The following POMT1 variants were observed in gnomAD, a reference collection of about 807,000 sequenced individuals.
The protein encoded by POMT1 is protein O-mannosyl-transferase 1.
POMT1 carries 85 observed loss-of-function variants against 101.6 expected under a neutral mutation model. The observed-to-expected ratio is 0.84, with a 90% CI of 0.70 to 1.00. The LOEUF (loss-of-function observed/expected upper bound fraction) is 1.00, where lower values mean the gene tolerates loss of function less well. POMT1 is among the 50% of genes least tolerant of loss of function. The pLI, the probability that POMT1 is intolerant of heterozygous loss-of-function variation, is 0.00. For synonymous variants in POMT1, 371 were observed against 383.0 expected, an observed-to-expected ratio of 0.97 and a Z score of 0.37; for missense variants, 857 against 930.4, an observed-to-expected ratio of 0.92 and a Z score of 1.03.
chr9:131,509,602 G>A (rs1012211373), intron 6 of POMT1, 141 bp from the exon 7 acceptor site: 1 of 1,518,164 alleles, frequency 6.6e-7, no homozygotes, highest in African/African-American at 1.4e-5. Context: ...TTTGGGAGAT[G>A]GGAATTCTTT....
Position 131,504,249 on chromosome 9 carries a change from G to A in POMT1, c.31G>A (p.Val11Met). 1.2e-6 allele frequency: 2 copies of A among 1,614,180 alleles called. No individual in the cohort carries two copies. Among genetic ancestry groups the A allele is most frequent in the African/African-American group, 1.3e-5 (1 of 75,046 alleles). The change falls in exon 2 of 20, where the codon GTG becomes ATG. Residue 11 changes from valine to methionine, a missense_variant. Physicochemically the swap from Val to Met is conservative, Grantham distance 21. Transcript: ENST00000402686. The part of the protein sequence containing the change: MWGFLKRPVV[V>M]TADINLSLVA... The stretch of plus-strand genomic sequence containing the variant: ...GGGATTTTTGAAGCGCCCTGTAGTG[G>A]TGACGGCTGACATCAACTTGAGCCT...
chr9:131,503,761 G>A lies in POMT1; in HGVS notation c.-30-428G>A, dbSNP rs1945105254. 6.6e-6 allele frequency among the ~76,000 whole-genome samples: 1 copy of A among 152,174 alleles called. No homozygotes were observed. Among genetic ancestry groups the A allele is most frequent in the Non-Finnish European group, 1.5e-5 (1 of 68,024 alleles). ...ATGCATCCTTGAGGAGAGATGAGGAGGCCCCGAGGCTCGGCCAGGTTGGGG... is the reference window on the plus strand; with the variant it reads ...ATGCATCCTTGAGGAGAGATGAGGAAGCCCCGAGGCTCGGCCAGGTTGGGG... On this transcript the variant is annotated intron_variant, in intron 1 of 19. Coordinates refer to ENST00000402686, the MANE Select transcript of POMT1 (RefSeq NM_001077365.2). The surrounding 1 kb of genome is among the most constrained non-coding windows in gnomAD (Gnocchi z 4.4).
chr9:131,519,511 G>A lies in POMT1; in HGVS notation c.1584+25G>A. On this transcript the variant is annotated intron_variant, in intron 16 of 19. Coordinates refer to ENST00000402686, the MANE Select transcript of POMT1 (RefSeq NM_001077365.2). The surrounding 1 kb of genome is among the most constrained non-coding windows in gnomAD (Gnocchi z 4.3). ...GGTGAGGAGCGGCCAGGGGAAGCTG[G>A]CCTAGCTCGCTGAGCATTGACTCCT... The A allele has an allele frequency of 6.5e-7, 1 of 1,546,430 alleles. No individual in the cohort carries two copies. Among genetic ancestry groups the A allele is most frequent in the Non-Finnish European group, 8.7e-7 (1 of 1,146,324 alleles).
At chr9:131,507,086 A>G (rs986078271) in intron 4 of POMT1, among the ~76,000 whole-genome samples, 1 of 151,984 alleles carries the variant, frequency 6.6e-6, no homozygotes, top group South Asian at 2.1e-4. Flanking sequence ...AAAAAAAAGA[A>G]AAAAGAAAAC....
intron 4 of POMT1, among the ~76,000 whole-genome samples, chr9:131,506,924 G>A (rs552854349): frequency 3.3e-5 from 5 of 152,090 alleles, no homozygotes; most frequent in African/African-American, 1.2e-4. Flanking sequence ...AAAATTAGCC[G>A]GGCGTGGTGG....
intron 13 of POMT1, chr9:131,517,098 G>A (rs913201041): frequency 4.6e-5 from 7 of 152,508 alleles, no homozygotes; most frequent in African/African-American, 1.7e-4. Flanking sequence ...CCATAGTGAG[G>A]TCACACCCCC....
intron 13 of POMT1, among the ~76,000 whole-genome samples, chr9:131,516,207 C>G (rs1377021534): frequency 6.8e-6 from 1 of 146,486 alleles, no homozygotes. Context: ...CTTCCTCACA[C>G]AGAGCACTTC....
intron 7 of POMT1, 27 bp downstream of exon 7, chr9:131,509,835 A>T: frequency 6.2e-7 from 1 of 1,614,204 alleles, no homozygotes; most frequent in Non-Finnish European, 8.5e-7. Flanking sequence ...GGTCTTGGGC[A>T]GTGTCCTCCT....
In POMT1 at chr9:131,504,205, C is replaced by T. The variant is rs375589755; in HGVS notation, c.-14C>T. On this transcript the variant is annotated 5_prime_UTR_variant, in exon 2 of 20. Transcript: ENST00000402686. Reference sequence around the variant, plus strand: ...CTTTTCTAGGGCGTCTGCCTGAGCCCGCTTTTCTACAAGATGTGGGGATTT... The same window carrying T: ...CTTTTCTAGGGCGTCTGCCTGAGCCTGCTTTTCTACAAGATGTGGGGATTT... 6.2e-6 allele frequency: 10 copies of T among 1,613,952 alleles called. No individual in the cohort carries two copies. The highest frequency in any genetic ancestry group is 1.1e-5 in the South Asian group (1 of 91,084).
At chr9:131,509,849 TCTC>T in intron 7 of POMT1, 41 bp downstream of exon 7, 1 of 1,614,178 alleles carries the variant, frequency 6.2e-7, no homozygotes, top group Non-Finnish European at 8.5e-7. Flanking sequence ...TCCTCCTCCA[TCTC>T]CTTATGTTTT....
chr9:131,520,985 G>T, intron 17 of POMT1: 1 of 346,646 alleles, frequency 2.9e-6, no homozygotes, highest in Non-Finnish European at 5.7e-6. Context: ...GGTATTACAG[G>T]TGCCCACCGC....
At position 131,522,675 on chromosome 9, in the gene POMT1, G is replaced by A. The variant is rs1282563082; in HGVS notation, c.2004-257G>A. 6 of 585,418 alleles carry A rather than the reference G, an allele frequency of 1.0e-5. No homozygotes were observed. The highest frequency in any genetic ancestry group is 7.5e-5 in the African/African-American group (4 of 53,596). 36.3% of individuals were successfully genotyped at this position (585,418 alleles called of 1,614,324 possible). A position where few individuals can be genotyped will look rare whatever the true frequency, so the allele number is the denominator to read the frequency against. ...AGGAAGCCACACAAGGGAGGACCGT[G>A]GGTTTGGGACCAGTCCTCTGGCATC... On this transcript the variant is annotated intron_variant, in intron 19 of 19. Transcript: ENST00000402686. The surrounding 1 kb of genome is among the most constrained non-coding windows in gnomAD (Gnocchi z 5.5).
intron 10 of POMT1, 169 bp from the exon 11 acceptor site, chr9:131,511,872 T>G: frequency 1.4e-6 from 1 of 705,550 alleles, no homozygotes; most frequent in Non-Finnish European, 2.4e-6. Flanking sequence ...TTCTTTCCCT[T>G]TCTTTTCTTT....
intron 2 of POMT1, among the ~76,000 whole-genome samples, chr9:131,504,791 G>GTT (rs1304476835): frequency 2.4e-4 from 37 of 151,052 alleles, no homozygotes; most frequent in Non-Finnish European, 4.6e-4. Flanking sequence ...GTGTGTGTGT[G>GTT]TTTTTGAGAC....
Position 131,503,769 on chromosome 9 carries a change from G to C in POMT1, c.-30-420G>C, listed in dbSNP as rs1477239077. 6.6e-6 allele frequency among the ~76,000 whole-genome samples: 1 copy of C among 152,180 alleles called. No homozygotes were observed. The highest frequency in any genetic ancestry group is 1.5e-5 in the Non-Finnish European group (1 of 68,024). On this transcript the variant is annotated intron_variant, in intron 1 of 19. Transcript: ENST00000402686. The surrounding 1 kb of genome is among the most constrained non-coding windows in gnomAD (Gnocchi z 4.4). ...TTGAGGAGAGATGAGGAGGCCCCGA[G>C]GCTCGGCCAGGTTGGGGTCCCTGGG...
In POMT1 at chr9:131,509,813, G is replaced by A. The variant is rs754233675; in HGVS notation, c.605+5G>A. 3 of 1,614,110 alleles carry A rather than the reference G, an allele frequency of 1.9e-6. No individual in the cohort carries two copies. Among genetic ancestry groups the A allele is most frequent in the African/African-American group, 1.3e-5 (1 of 74,940 alleles). On this transcript the variant is annotated splice_donor_5th_base_variant and intron_variant, in intron 7 of 19. Coordinates refer to ENST00000402686, the MANE Select transcript of POMT1 (RefSeq NM_001077365.2). The stretch of plus-strand genomic sequence containing the variant: ...CGCTTGTTCCTGTGCAGTGGGGTGA[G>A]TTTGAGCCTCTGGTCTTGGGCAGTG...
chr9:131,506,192 A>T lies in POMT1; in HGVS notation c.201A>T (p.Pro67=). 6.2e-7 allele frequency: 1 copy of T among 1,614,152 alleles called. No individual in the cohort carries two copies. The highest frequency in any genetic ancestry group is 8.5e-7 in the Non-Finnish European group (1 of 1,180,020). ...TCTTCTTGGATGACAGTGGGCCGCCATTTGGCCACATGGTGCTGGCCTTGG... is the reference window on the plus strand; with the variant it reads ...TCTTCTTGGATGACAGTGGGCCGCCTTTTGGCCACATGGTGCTGGCCTTGG... ...QIFFLDDSGP[P]FGHMVLALGG... is the part of the protein sequence containing the mutation. Residue 67 remains proline (P), a synonymous_variant, in exon 3 of 20, where the codon CCA becomes CCT. Coordinates refer to ENST00000402686, the MANE Select transcript of POMT1 (RefSeq NM_001077365.2).
chr9:131,505,751 T>C (rs951547817), intron 2 of POMT1, among the ~76,000 whole-genome samples: 8 of 1,424 alleles, frequency 5.6e-3, no homozygotes, highest in Non-Finnish European at 0.013. Flanking sequence ...GTGCTGCTGG[T>C]GGGGGCGGGG....
chr9:131,506,112 A>G lies in POMT1; in HGVS notation c.123-2A>G. 6.2e-7 allele frequency: 1 copy of G among 1,610,154 alleles called. No individual in the cohort carries two copies. Among genetic ancestry groups the G allele is most frequent in the Non-Finnish European group, 8.5e-7 (1 of 1,177,924 alleles). On this transcript the variant is annotated splice_acceptor_variant, in intron 2 of 19. Transcript: ENST00000402686. LOFTEE classifies it high-confidence loss of function. Reference sequence around the variant, plus strand: ...AATATGGGTTGTTGTTTTTTTTTCTAGTTTTGACGAAGTATATTATGGGCA... The same window carrying G: ...AATATGGGTTGTTGTTTTTTTTTCTGGTTTTGACGAAGTATATTATGGGCA...
Sources: gnomAD v4.1 joint callset for allele counts (sites outside exome capture counted in the v4.1 genomes callset) on GRCh38, gnomAD v4.1.1 for gene constraint, Gnocchi (gnomAD v3.1) non-coding constraint, MANE v1.5 for transcripts, NCBI Gene and HGNC (gene_info 2026-07-23, HGNC 2026-07-21) for gene names.